The following CTNND2 variants were observed in gnomAD, a reference collection of about 807,000 sequenced individuals.
CTNND2 encodes catenin delta 2, also known as catenin delta-2.
Under a neutral mutation model 144.4 loss-of-function variants are expected in CTNND2, and 22 were observed. That is an observed-to-expected ratio of 0.15 (90% CI 0.11 to 0.22). The LOEUF (loss-of-function observed/expected upper bound fraction) is 0.22, where lower values mean the gene tolerates loss of function less well. Ranked by LOEUF, CTNND2 falls within the 10% of genes least tolerant of loss-of-function variation. CTNND2 has a pLI of 1.00. For synonymous variants in CTNND2, 751 were observed against 695.6 expected, an observed-to-expected ratio of 1.08 and a Z score of -1.25; for missense variants, 1,353 against 1,618.8, an observed-to-expected ratio of 0.84 and a Z score of 2.82.
At chr5:11,545,367 G>A (rs1775140264) in intron 3 of CTNND2, among the ~76,000 whole-genome samples, 1 of 151,378 alleles carries the variant, frequency 6.6e-6, no homozygotes, top group Admixed American at 6.6e-5. Flanking sequence ...CAGATAAAAT[G>A]AGCCTATAGA....
At chr5:11,139,197 G>C (rs1756452441) in intron 12 of CTNND2, among the ~76,000 whole-genome samples, 1 of 152,122 alleles carries the variant, frequency 6.6e-6, no homozygotes, top group African/African-American at 2.4e-5. Flanking sequence ...CTGGCCTCAA[G>C]TGATCCACTC....
intron 2 of CTNND2, among the ~76,000 whole-genome samples, chr5:11,611,353 A>G (rs931180582): frequency 1.7e-4 from 26 of 152,230 alleles, no homozygotes; most frequent in African/African-American, 6.0e-4. Flanking sequence ...CTGTAGAAAT[A>G]TTCTAACAGC....
intron 2 of CTNND2, among the ~76,000 whole-genome samples, chr5:11,701,908 G>T (rs193004432): frequency 5.9e-5 from 9 of 152,294 alleles, no homozygotes; most frequent in Non-Finnish European, 1.2e-4. Context: ...GTCAACGGAA[G>T]TTTAAAGAGA....
At chr5:11,320,322 G>T (rs1751908264) in intron 9 of CTNND2, among the ~76,000 whole-genome samples, 1 of 151,898 alleles carries the variant, frequency 6.6e-6, no homozygotes, top group African/African-American at 2.4e-5. Context: ...AGTTGCTTCA[G>T]TTTTTTTTCT....
chr5:11,261,307 T>C (rs545935286), intron 9 of CTNND2, among the ~76,000 whole-genome samples: 9 of 152,336 alleles, frequency 5.9e-5, no homozygotes, highest in Admixed American at 3.9e-4. Context: ...ACAAGGGGCA[T>C]GGGCTTGAGC....
chr5:11,661,006 T>G (rs1207022933), intron 2 of CTNND2, among the ~76,000 whole-genome samples: 3 of 152,156 alleles, frequency 2.0e-5, no homozygotes, highest in Non-Finnish European at 2.9e-5. Context: ...GAGAATTATT[T>G]GAGTAATATT....
At chr5:11,169,237 T>C (rs1759661560) in intron 11 of CTNND2, among the ~76,000 whole-genome samples, 1 of 152,162 alleles carries the variant, frequency 6.6e-6, no homozygotes, top group Admixed American at 6.5e-5. Flanking sequence ...TTTTCCCTTT[T>C]GACACTAAGA....
chr5:11,759,946 C>T (rs537835052), intron 1 of CTNND2, among the ~76,000 whole-genome samples: 4 of 151,150 alleles, frequency 2.6e-5, no homozygotes, highest in South Asian at 4.2e-4. Flanking sequence ...TACTGGATGC[C>T]TCTAAATACT....
intron 9 of CTNND2, among the ~76,000 whole-genome samples, chr5:11,260,831 AT>A (rs942014303): frequency 6.6e-6 from 1 of 152,228 alleles, no homozygotes; most frequent in African/African-American, 2.4e-5. Context: ...ATTGGCAATC[AT>A]TAAGGGGGTA....
intron 12 of CTNND2, among the ~76,000 whole-genome samples, chr5:11,121,861 G>A (rs1011773034): frequency 6.6e-6 from 1 of 152,168 alleles, no homozygotes; most frequent in African/African-American, 2.4e-5. Flanking sequence ...GGTAATCAAT[G>A]TATTTGTAAT....
intron 2 of CTNND2, among the ~76,000 whole-genome samples, chr5:11,667,467 C>T (rs1466636990): frequency 6.6e-6 from 1 of 152,094 alleles, no homozygotes; most frequent in African/African-American, 2.4e-5. Context: ...TTCTAACTGG[C>T]GTGAAATGGT....
At chr5:11,433,922 T>A (rs577376062) in intron 3 of CTNND2, among the ~76,000 whole-genome samples, 16 of 152,324 alleles carry the variant, frequency 1.1e-4, no homozygotes, top group African/African-American at 3.8e-4. Context: ...GGAGTTTCTT[T>A]AATAACTAAA....
intron 3 of CTNND2, among the ~76,000 whole-genome samples, chr5:11,444,521 G>A (rs1764633518): frequency 2.0e-5 from 3 of 152,192 alleles, no homozygotes; most frequent in Admixed American, 2.0e-4. Flanking sequence ...GACCAACATG[G>A]CAAAACCCCA....
At chr5:11,554,580 T>C (rs1238281454) in intron 3 of CTNND2, among the ~76,000 whole-genome samples, 1 of 152,166 alleles carries the variant, frequency 6.6e-6, no homozygotes, top group Non-Finnish European at 1.5e-5. Context: ...GAGGATGACA[T>C]GGTATAATCT....
intron 9 of CTNND2, among the ~76,000 whole-genome samples, chr5:11,247,826 A>C (rs1743158895): frequency 6.6e-6 from 1 of 152,236 alleles, no homozygotes; most frequent in Admixed American, 6.5e-5. Flanking sequence ...GATATCATCA[A>C]TTATGTCATA....
intron 12 of CTNND2, among the ~76,000 whole-genome samples, chr5:11,132,522 T>A (rs997927870): frequency 1.3e-5 from 2 of 151,320 alleles, no homozygotes; most frequent in Non-Finnish European, 2.9e-5. Context: ...GAGTTGGCTG[T>A]CTGCAACCCA....
chr5:11,769,243 G>T (rs980672470), intron 1 of CTNND2, among the ~76,000 whole-genome samples: 2 of 152,136 alleles, frequency 1.3e-5, no homozygotes, highest in Non-Finnish European at 2.9e-5. Flanking sequence ...TCTCCAGAGG[G>T]AACTTTATGG....
chr5:11,457,944 C>T (rs986482910), intron 3 of CTNND2, among the ~76,000 whole-genome samples: 3 of 152,164 alleles, frequency 2.0e-5, no homozygotes, highest in African/African-American at 7.2e-5. Flanking sequence ...ATCTTACTTG[C>T]ATGGGCTCTG....
At chr5:11,140,489 A>G (rs923240334) in intron 12 of CTNND2, among the ~76,000 whole-genome samples, 2 of 152,228 alleles carry the variant, frequency 1.3e-5, no homozygotes, top group East Asian at 1.9e-4. Context: ...TTCAAACACT[A>G]TGTATGCTAA....
Sources: allele counts gnomAD v4.1 joint callset (sites outside exome capture counted in the v4.1 genomes callset), GRCh38; gene constraint gnomAD v4.1.1; transcripts MANE v1.5; gene names NCBI Gene and HGNC (gene_info 2026-07-23, HGNC 2026-07-21).